Variants in SNX10 observed in about 807,000 individuals in gnomAD.
SNX10 encodes sorting nexin-10.
A neutral mutation model predicts 28.5 loss-of-function variants in SNX10; 25 were observed. The observed-to-expected ratio is 0.88, with a 90% CI of 0.64 to 1.22. The LOEUF (loss-of-function observed/expected upper bound fraction) is 1.22, where lower values mean the gene tolerates loss of function less well. SNX10 is among the 50% of genes most tolerant of loss of function. SNX10 has a pLI of 0.00. For synonymous variants in SNX10, 62 were observed against 81.4 expected (o/e 0.76, Z 1.28); for missense variants, 223 against 242.6 (o/e 0.92, Z 0.54).
chr7:26,335,774 C>T (rs1331658306), intron 1 of SNX10, among the ~76,000 whole-genome samples: 1 of 97,642 alleles, frequency 1.0e-5, no homozygotes, highest in Non-Finnish European at 1.9e-5. Flanking sequence ...GACGGAGTCT[C>T]GTTCTGTCGC....
In SNX10 at chr7:26,313,093, C is replaced by T. The variant is rs542020896; in HGVS notation, c.-24+21007C>T. 9.3e-4 allele frequency among the ~76,000 whole-genome samples: 142 copies of T among 152,280 alleles called. 1 individual carries two copies. The highest frequency in any genetic ancestry group is 1.5e-3 in the Non-Finnish European group (104 of 68,036). On this transcript the variant is annotated intron_variant, in intron 1 of 6. Coordinates refer to ENST00000338523, the MANE Select transcript of SNX10 (RefSeq NM_013322.3). Reference sequence around the variant, plus strand: ...ACTGTTCATAGTAGCACGAGAATGTCTTATCAGTGGGTGCTGGTGAAATGA... The same window carrying T: ...ACTGTTCATAGTAGCACGAGAATGTTTTATCAGTGGGTGCTGGTGAAATGA...
chr7:26,294,381 TC>T (rs1315761644), intron 1 of SNX10, among the ~76,000 whole-genome samples: 1 of 152,252 alleles, frequency 6.6e-6, no homozygotes, highest in African/African-American at 2.4e-5. Flanking sequence ...CTTAACACTC[TC>T]TGAGTTGCCT....
At chr7:26,299,630 C>T (rs952447533) in intron 1 of SNX10, among the ~76,000 whole-genome samples, 3 of 151,578 alleles carry the variant, frequency 2.0e-5, no homozygotes, top group Admixed American at 6.6e-5. Flanking sequence ...AGGGTTTCAC[C>T]GTGTTGGCTG....
chr7:26,335,735 CTTTTTTTTT>C (rs57340085), intron 1 of SNX10, among the ~76,000 whole-genome samples: 6 of 84,254 alleles, frequency 7.1e-5, no homozygotes, highest in Admixed American at 1.4e-4. Flanking sequence ...ATGGAATATT[CTTTTTTTTT>C]TTTTTTTTTT....
chr7:26,338,130 T>C (rs927374762), intron 1 of SNX10, among the ~76,000 whole-genome samples: 43 of 134,496 alleles, frequency 3.2e-4, no homozygotes, highest in African/African-American at 1.2e-3. Context: ...TTTTTTTTTT[T>C]CTGTGAGACA....
intron 1 of SNX10, among the ~76,000 whole-genome samples, chr7:26,314,772 G>C (rs1047819403): frequency 6.6e-6 from 1 of 152,144 alleles, no homozygotes; most frequent in Admixed American, 6.5e-5. Flanking sequence ...GGCTGAGGCG[G>C]GCGGATCACT....
intron 1 of SNX10, among the ~76,000 whole-genome samples, chr7:26,311,374 C>T (rs760884199): frequency 6.6e-6 from 1 of 152,104 alleles, no homozygotes; most frequent in Non-Finnish European, 1.5e-5. Flanking sequence ...TGGTCTGGAG[C>T]CCCTGGGCTC....
rs1377500383 is a variant in SNX10 at position 26,291,878 on chromosome 7, A to G, written c.-232A>G. The G allele has an allele frequency of 1.4e-5, 2 of 147,240 alleles. No homozygotes were observed. Among genetic ancestry groups the G allele is most frequent in the Admixed American group, 6.9e-5 (1 of 14,504 alleles). The allele number at this position is 147,240 out of a possible 1,614,324, so 9.1% of individuals were successfully genotyped here. ...GGCGGAAGCACTAGGCGCGGCGCCC[A>G]CAGGCGGACGGCTGGCGCTGAGCGC... On this transcript the variant is annotated 5_prime_UTR_variant, in exon 1 of 7. Transcript: ENST00000338523.
chr7:26,304,717 T>C (rs114424128), intron 1 of SNX10, among the ~76,000 whole-genome samples: 234 of 152,342 alleles, frequency 1.5e-3, no homozygotes, highest in African/African-American at 5.4e-3. Context: ...TGAACACAAA[T>C]GGGGATGGGT....
chr7:26,306,071 AT>A (rs35809560), intron 1 of SNX10, among the ~76,000 whole-genome samples: 316 of 141,990 alleles, frequency 2.2e-3, no homozygotes, highest in African/African-American at 3.2e-3. Flanking sequence ...AATTTTTTGT[AT>A]TTTTTTTTTT....
intron 1 of SNX10, among the ~76,000 whole-genome samples, chr7:26,308,363 C>T (rs1786677162): frequency 1.3e-5 from 2 of 152,214 alleles, no homozygotes; most frequent in African/African-American, 4.8e-5. Flanking sequence ...AGCAATGTTG[C>T]ACCAAGCGGC....
Position 26,337,935 on chromosome 7 carries a change from G to A in SNX10, c.-23-8485G>A, listed in dbSNP as rs544671905. On this transcript the variant is annotated intron_variant, in intron 1 of 6. Coordinates refer to ENST00000338523, the MANE Select transcript of SNX10 (RefSeq NM_013322.3). ...CATTTTACATTGCTGCCAACAGAAG[G>A]GTTCCGATTTCTCCATATCCTCCTC... 4.7e-4 allele frequency among the ~76,000 whole-genome samples: 71 copies of A among 152,168 alleles called. 1 individual carries two copies. Among genetic ancestry groups the A allele is most frequent in the African/African-American group, 1.6e-3 (66 of 41,510 alleles).
rs70943293 is a variant in SNX10 at position 26,327,726 on chromosome 7, C to CTTT, written c.-23-18675_-23-18673dup. On this transcript the variant is annotated intron_variant, in intron 1 of 6. Transcript: ENST00000338523. ...ATTGTATTCATTCATGCATTCTTTT[C>CTTT]TTTTTTTTTTTTTTTTTTTTTGAGA... Among the ~76,000 whole-genome samples the CTTT allele has an allele frequency of 6.8e-3, 606 of 89,110 alleles. 24 individuals carry two copies. The highest frequency in any genetic ancestry group is 0.012 in the Middle Eastern group (1 of 86). 58.5% of individuals were successfully genotyped at this position (89,110 alleles called of 152,430 possible).
chr7:26,292,729 C>G (rs551673375), intron 1 of SNX10, among the ~76,000 whole-genome samples: 29 of 152,320 alleles, frequency 1.9e-4, no homozygotes, highest in African/African-American at 6.5e-4. Flanking sequence ...GGAAGGGCTT[C>G]TATCTCTACA....
At chr7:26,314,146 AT>A (rs554909817) in intron 1 of SNX10, among the ~76,000 whole-genome samples, 77 of 152,096 alleles carry the variant, frequency 5.1e-4, no homozygotes, top group African/African-American at 1.8e-3. Context: ...AACAAATACC[AT>A]TTTCTTTTTA....
intron 1 of SNX10, among the ~76,000 whole-genome samples, chr7:26,311,803 G>C (rs1226036311): frequency 2.0e-5 from 3 of 151,978 alleles, no homozygotes; most frequent in African/African-American, 7.3e-5. Flanking sequence ...TTTTGGAATA[G>C]AAAAGTTATT....
At chr7:26,317,867 T>A (rs186527459) in intron 1 of SNX10, among the ~76,000 whole-genome samples, 1 of 152,234 alleles carries the variant, frequency 6.6e-6, no homozygotes, top group African/African-American at 2.4e-5. Context: ...TTCACCATAT[T>A]GGCCAGGCTG....
At chr7:26,357,377 A>G in intron 2 of SNX10, among the ~76,000 whole-genome samples, 1 of 151,214 alleles carries the variant, frequency 6.6e-6, no homozygotes, top group Admixed American at 6.6e-5. Flanking sequence ...ATCCAGGCAG[A>G]GAACAGCTTA....
At chr7:26,329,211 C>T (rs1238750358) in intron 1 of SNX10, among the ~76,000 whole-genome samples, 2 of 152,220 alleles carry the variant, frequency 1.3e-5, no homozygotes, top group Non-Finnish European at 2.9e-5. Flanking sequence ...GAGATCCTCT[C>T]CCTCATCCCC....
Sources: allele counts gnomAD v4.1 joint callset (sites outside exome capture counted in the v4.1 genomes callset), GRCh38; gene constraint gnomAD v4.1.1; transcripts MANE v1.5; gene names NCBI Gene and HGNC (gene_info 2026-07-23, HGNC 2026-07-21).